SHTN1: variants seen among roughly 807,000 people sequenced by gnomAD.
The protein encoded by SHTN1 is shootin 1, also known as shootin-1.
SHTN1 carries 42 observed loss-of-function variants against 83.1 expected under a neutral mutation model. The ratio of observed to expected loss-of-function variants is 0.51; its 90% CI spans 0.39 to 0.65. SHTN1 has a LOEUF of 0.65. SHTN1 is among the 30% of genes least tolerant of loss of function. The pLI, the probability that SHTN1 is intolerant of heterozygous loss-of-function variation, is 0.00. For synonymous variants in SHTN1, 224 were observed against 247.7 expected (o/e 0.90, Z 0.90); for missense variants, 622 against 737.8 (o/e 0.84, Z 1.82).
intron 1 of SHTN1, among the ~76,000 whole-genome samples, chr10:117,115,704 T>G (rs955567817): frequency 6.6e-6 from 1 of 152,188 alleles, no homozygotes. Context: ...CTCACAACTT[T>G]TAATGATCCT....
upstream of SHTN1, among the ~76,000 whole-genome samples, chr10:117,010,410 TA>T (rs368889939): frequency 6.6e-5 from 10 of 151,766 alleles, no homozygotes; most frequent in East Asian, 1.2e-3. Flanking sequence ...ATTCAGAAAG[TA>T]TTAAAAAAAG....
At chr10:117,061,615 A>G (rs747707502) in intron 1 of SHTN1, among the ~76,000 whole-genome samples, 56 of 151,638 alleles carry the variant, frequency 3.7e-4, no homozygotes, top group African/African-American at 9.0e-4. Flanking sequence ...GATTACAGGT[A>G]TGGGCCACCA....
At chr10:116,997,337 G>A (rs986211570) in intron 1 of SHTN1, among the ~76,000 whole-genome samples, 1 of 152,200 alleles carries the variant, frequency 6.6e-6, no homozygotes, top group Non-Finnish European at 1.5e-5. Context: ...CCCTTGCGAT[G>A]TGCACTGCAT....
At chr10:117,061,475 T>C (rs574225673) in intron 1 of SHTN1, among the ~76,000 whole-genome samples, 4 of 147,000 alleles carry the variant, frequency 2.7e-5, no homozygotes, top group African/African-American at 1.0e-4. Flanking sequence ...AGGTTTTCTT[T>C]TTCTTTTTTT....
intron 13 of SHTN1, among the ~76,000 whole-genome samples, chr10:116,912,710 G>A (rs916405760): frequency 6.6e-6 from 1 of 151,992 alleles, no homozygotes; most frequent in African/African-American, 2.4e-5. Context: ...GATCTCCCTC[G>A]TACCACTTCC....
chr10:116,977,821 C>T (rs1251708498), intron 2 of SHTN1, among the ~76,000 whole-genome samples: 1 of 152,020 alleles, frequency 6.6e-6, no homozygotes, highest in Non-Finnish European at 1.5e-5. Context: ...ACTACAGGTG[C>T]ATGCCACCAT....
At chr10:117,078,118 A>G (rs1389059428) in intron 1 of SHTN1, among the ~76,000 whole-genome samples, 2 of 152,228 alleles carry the variant, frequency 1.3e-5, no homozygotes, top group East Asian at 3.8e-4. Flanking sequence ...CATTATGCCC[A>G]GATCAGCTGC....
intron 2 of SHTN1, among the ~76,000 whole-genome samples, chr10:117,038,828 GAA>G (rs1387867530): frequency 6.6e-6 from 1 of 152,164 alleles, no homozygotes; most frequent in African/African-American, 2.4e-5. Context: ...CCAAAATCCA[GAA>G]CACTGACGAT....
At chr10:116,947,781 C>G (rs902292721) in intron 7 of SHTN1, among the ~76,000 whole-genome samples, 16 of 152,164 alleles carry the variant, frequency 1.1e-4, no homozygotes, top group Non-Finnish European at 7.3e-5. Context: ...AGGGGACTCT[C>G]TGAAGGCAAG....
intron 13 of SHTN1, among the ~76,000 whole-genome samples, chr10:116,913,580 T>C (rs1187665150): frequency 1.3e-5 from 2 of 152,246 alleles, no homozygotes; most frequent in Non-Finnish European, 2.9e-5. Flanking sequence ...TTTAAGAAGT[T>C]TTCAACTTTT....
chr10:116,904,507 CCCTT>C (rs1385362208), intron 15 of SHTN1, among the ~76,000 whole-genome samples: 7 of 151,810 alleles, frequency 4.6e-5, no homozygotes, highest in African/African-American at 1.7e-4. Flanking sequence ...ACAAGTCACT[CCCTT>C]AGTGTGTGTT....
intron 3 of SHTN1, among the ~76,000 whole-genome samples, chr10:116,964,897 C>T (rs1872219): frequency 9.2e-5 from 14 of 152,036 alleles, no homozygotes; most frequent in African/African-American, 3.4e-4. Flanking sequence ...ACCCAGGAGG[C>T]GGAGGTTGCA....
intron 1 of SHTN1, among the ~76,000 whole-genome samples, chr10:117,057,564 TTC>T (rs1479724775): frequency 2.6e-5 from 4 of 152,180 alleles, no homozygotes; most frequent in Admixed American, 2.6e-4. Context: ...CCCTTCATTT[TTC>T]TCTTTTTCCC....
intron 2 of SHTN1, among the ~76,000 whole-genome samples, chr10:116,977,835 C>T (rs930358881): frequency 1.3e-5 from 2 of 151,968 alleles, no homozygotes; most frequent in African/African-American, 4.8e-5. Context: ...CCACCATGAC[C>T]GATTAATTTT....
intron 1 of SHTN1, among the ~76,000 whole-genome samples, chr10:117,083,548 T>C (rs1417693269): frequency 2.6e-5 from 4 of 151,926 alleles, no homozygotes; most frequent in African/African-American, 4.8e-5. Flanking sequence ...ATCTTTGTGG[T>C]GTTCTCTGTA....
intron 16 of SHTN1, among the ~76,000 whole-genome samples, chr10:116,897,533 T>C (rs1227072107): frequency 6.6e-6 from 1 of 152,234 alleles, no homozygotes; most frequent in East Asian, 1.9e-4. Context: ...CCAAGTCATC[T>C]GGCCCACTCA....
intron 2 of SHTN1, among the ~76,000 whole-genome samples, chr10:117,016,896 T>C (rs895513775): frequency 6.6e-6 from 1 of 152,094 alleles, no homozygotes; most frequent in African/African-American, 2.4e-5. Flanking sequence ...AATGTACATA[T>C]ACATAATTAT....
chr10:116,901,257 A>G, intron 16 of SHTN1: 1 of 985,268 alleles, frequency 1.0e-6, no homozygotes. Flanking sequence ...TCAAAGTGCC[A>G]CTCTGAAGCA....
intron 3 of SHTN1, among the ~76,000 whole-genome samples, chr10:116,961,966 T>C (rs934138219): frequency 1.3e-5 from 2 of 152,114 alleles, no homozygotes; most frequent in South Asian, 2.1e-4. Flanking sequence ...AGTGGTCTTA[T>C]CATTATAACA....
Sources: allele counts gnomAD v4.1 joint callset (sites outside exome capture counted in the v4.1 genomes callset), GRCh38; gene constraint gnomAD v4.1.1; transcripts MANE v1.5; gene names NCBI Gene and HGNC (gene_info 2026-07-23, HGNC 2026-07-21).